The following ISM1 variants were observed in gnomAD, a reference collection of about 807,000 sequenced individuals.
ISM1 encodes the protein isthmin 1, also known as isthmin-1.
A neutral mutation model predicts 46.3 loss-of-function variants in ISM1; 25 were observed. The observed-to-expected ratio is 0.54, with a 90% confidence interval of 0.39 to 0.75. The LOEUF (loss-of-function observed/expected upper bound fraction) is 0.75. ISM1 is among the 30% of genes least tolerant of loss of function. ISM1 has a pLI of 0.00. For missense variants in ISM1, 536 were observed against 625.4 expected, an observed-to-expected ratio of 0.86 and a Z score of 1.52; for synonymous variants, 255 against 256.7, an observed-to-expected ratio of 0.99 and a Z score of 0.06.
At chr20:13,293,208 A>AC (rs537508741) in intron 5 of ISM1, among the ~76,000 whole-genome samples, 1 of 77,924 alleles carries the variant, frequency 1.3e-5, no homozygotes, top group African/African-American at 5.5e-5. Context: ...ACTCCGTCTC[A>AC]AAAAAAAAAA....
chr20:13,240,958 C>A (rs1254024013), intron 1 of ISM1, among the ~76,000 whole-genome samples: 2 of 152,110 alleles, frequency 1.3e-5, no homozygotes, highest in African/African-American at 4.8e-5. Context: ...AAGATAATAG[C>A]AGGGAGGCTG....
the ISM1 span, among the ~76,000 whole-genome samples, chr20:13,309,383 T>C: frequency 6.6e-6 from 1 of 151,984 alleles, no homozygotes; most frequent in African/African-American, 2.4e-5. Context: ...TATTTCATAA[T>C]AAAAACTCTC....
At chr20:13,286,538 C>G (rs1248481298) in intron 3 of ISM1, among the ~76,000 whole-genome samples, 1 of 152,142 alleles carries the variant, frequency 6.6e-6, no homozygotes. Context: ...AATCAAAGTT[C>G]AGAAAAATTC....
intron 3 of ISM1, among the ~76,000 whole-genome samples, chr20:13,282,155 T>TC (rs146509639): frequency 0.025 from 3,796 of 152,204 alleles, 163 homozygotes; most frequent in African/African-American, 0.083. Flanking sequence ...AATTTTTTTT[T>TC]CAATCCCGAT....
chr20:13,246,221 C>T (rs2039791896), intron 1 of ISM1, among the ~76,000 whole-genome samples: 1 of 149,586 alleles, frequency 6.7e-6, no homozygotes, highest in Non-Finnish European at 1.5e-5. Flanking sequence ...TGCAGTGAGC[C>T]AAGATCATGC....
chr20:13,222,323 T>C (rs1568658212), intron 1 of ISM1, among the ~76,000 whole-genome samples: 2 of 152,118 alleles, frequency 1.3e-5, no homozygotes, highest in South Asian at 4.1e-4. Context: ...CTTTATAGGA[T>C]GATATCCCTG....
intron 1 of ISM1, among the ~76,000 whole-genome samples, chr20:13,243,534 G>T (rs2039755241): frequency 6.6e-6 from 1 of 152,110 alleles, no homozygotes; most frequent in East Asian, 1.9e-4. Context: ...TGTCCTCTTA[G>T]CTGTTTGTCT....
intron 1 of ISM1, among the ~76,000 whole-genome samples, chr20:13,234,422 CG>C (rs1278860318): frequency 6.6e-6 from 1 of 152,046 alleles, no homozygotes; most frequent in Non-Finnish European, 1.5e-5. Flanking sequence ...CAGATGAGTG[CG>C]GGTATCTTTT....
chr20:13,310,678 T>C, the ISM1 span, among the ~76,000 whole-genome samples: 2 of 152,264 alleles, frequency 1.3e-5, no homozygotes, highest in South Asian at 4.1e-4. Context: ...ACATCTGATA[T>C]GGGGTTAATC....
chr20:13,242,850 C>A (rs1241027604), intron 1 of ISM1, among the ~76,000 whole-genome samples: 1 of 152,178 alleles, frequency 6.6e-6, no homozygotes, highest in Non-Finnish European at 1.5e-5. Flanking sequence ...ATACAGATTT[C>A]ACCTGATTTT....
chr20:13,259,005 G>A (rs186615310), intron 1 of ISM1, among the ~76,000 whole-genome samples: 22 of 152,240 alleles, frequency 1.4e-4, no homozygotes, highest in African/African-American at 5.1e-4. Flanking sequence ...AATCTGGGCC[G>A]GGCGCAATGG....
At chr20:13,302,077 G>A (rs1289036628), downstream of ISM1, among the ~76,000 whole-genome samples, 2 of 152,204 alleles carry the variant, frequency 1.3e-5, no homozygotes, top group East Asian at 1.9e-4. Context: ...GATGAGCAGA[G>A]GAACAAGAGT....
intron 1 of ISM1, among the ~76,000 whole-genome samples, chr20:13,254,256 A>C (rs969926820): frequency 3.3e-5 from 5 of 151,448 alleles, no homozygotes; most frequent in African/African-American, 1.2e-4. Flanking sequence ...TAAATAAATA[A>C]AGCAAATGTG....
At chr20:13,268,277 TTC>T (rs368703198) in intron 1 of ISM1, among the ~76,000 whole-genome samples, 55 of 145,940 alleles carry the variant, frequency 3.8e-4, no homozygotes, top group African/African-American at 1.2e-3. Context: ...CTCTCGCTCC[TTC>T]TCTTTCTTTC....
At chr20:13,288,782 T>G in intron 4 of ISM1, 99 bp downstream of exon 4, 1 of 1,257,594 alleles carries the variant, frequency 8.0e-7, no homozygotes, top group South Asian at 1.5e-5. Context: ...GATGCACTAC[T>G]TTTCTTTTCT....
intron 3 of ISM1, among the ~76,000 whole-genome samples, chr20:13,285,043 T>C (rs1320131142): frequency 6.6e-6 from 1 of 152,128 alleles, no homozygotes; most frequent in Non-Finnish European, 1.5e-5. Context: ...TCCCAGCACT[T>C]TGGGAGGCCA....
chr20:13,320,569 G>T, the ISM1 span, among the ~76,000 whole-genome samples: 1 of 152,128 alleles, frequency 6.6e-6, no homozygotes, highest in Non-Finnish European at 1.5e-5. Flanking sequence ...TTAGGATAAG[G>T]CTTGACAGCA....
At chr20:13,240,496 G>T (rs2039707124) in intron 1 of ISM1, among the ~76,000 whole-genome samples, 1 of 152,154 alleles carries the variant, frequency 6.6e-6, no homozygotes, top group South Asian at 2.1e-4. Flanking sequence ...GAGATAGGAA[G>T]GACTTTGGCA....
rs2040155154 is a variant in ISM1 at position 13,274,606 on chromosome 20, C to T, written c.378+3863C>T. ...TCCAGGGCTAAGGAAACAGCCTGCA[C>T]CTTTCCAAAGTGACATCGCTAAGCC... On this transcript the variant is annotated intron_variant, in intron 2 of 5. Coordinates refer to ENST00000262487, the MANE Select transcript of ISM1 (RefSeq NM_080826.2). Among the ~76,000 whole-genome samples the T allele has an allele frequency of 2.0e-5, 3 of 152,330 alleles. No homozygotes were observed. In the South Asian group the frequency reaches 6.2e-4, roughly 32 times the overall value.
Sources: gnomAD v4.1 joint callset for allele counts (sites outside exome capture counted in the v4.1 genomes callset) on GRCh38, gnomAD v4.1.1 for gene constraint, MANE v1.5 for transcripts, NCBI Gene and HGNC (gene_info 2026-07-23, HGNC 2026-07-21) for gene names.